The following MYO7B variants were observed in gnomAD, a reference collection of about 807,000 sequenced individuals.
The protein encoded by MYO7B is unconventional myosin-VIIb.
In MYO7B, 212 loss-of-function variants were observed where a neutral mutation model predicts 259.7. That is an observed-to-expected ratio of 0.82 (90% CI 0.73 to 0.91). MYO7B has a LOEUF of 0.91. Ranked by LOEUF, MYO7B falls within the 40% of genes least tolerant of loss-of-function variation. MYO7B has a pLI of 0.00. For missense variants in MYO7B, 2,732 were observed against 2,813.5 expected, an observed-to-expected ratio of 0.97 and a Z score of 0.66; for synonymous variants, 1,197 against 1,166.4, an observed-to-expected ratio of 1.03 and a Z score of -0.54.
intron 1 of MYO7B, among the ~76,000 whole-genome samples, chr2:127,550,142 C>T (rs2104817143): frequency 6.6e-6 from 1 of 152,140 alleles, no homozygotes; most frequent in East Asian, 1.9e-4. Context: ...GCTTGGGGTC[C>T]CAGGATTCAC....
At chr2:127,599,839 G>A (rs1020805200) in intron 19 of MYO7B, among the ~76,000 whole-genome samples, 3 of 152,150 alleles carry the variant, frequency 2.0e-5, no homozygotes, top group Admixed American at 2.0e-4. Flanking sequence ...TATTGAACCA[G>A]CTTTGCATCC....
In MYO7B at chr2:127,589,894, G is replaced by A. The variant is rs556955023; in HGVS notation, c.1855-198G>A. Among the ~76,000 whole-genome samples, 76 of 143,482 alleles carry A rather than the reference G, an allele frequency of 5.3e-4. 1 individual carries two copies. The highest frequency in any genetic ancestry group is 1.9e-3 in the African/African-American group (72 of 38,460). The allele number at this position is 143,482 out of a possible 152,430, so 94.1% of individuals were successfully genotyped here. ...TGGGTGGGTGGATGGATAGGTGTGT[G>A]AGTGGATGGGTGAAGGGGTGGGTGG... On this transcript the variant is annotated intron_variant, in intron 15 of 47. Transcript: ENST00000409816.
chr2:127,566,434 C>G (rs890554370), intron 4 of MYO7B, among the ~76,000 whole-genome samples: 37 of 152,258 alleles, frequency 2.4e-4, no homozygotes, highest in African/African-American at 8.7e-4. Context: ...GGGAGCTCAC[C>G]TTCCTGGTGG....
intron 21 of MYO7B, among the ~76,000 whole-genome samples, chr2:127,608,167 A>G (rs1019402255): frequency 5.3e-5 from 8 of 152,220 alleles, no homozygotes; most frequent in Non-Finnish European, 1.2e-4. Flanking sequence ...CTTCTGCTCC[A>G]TGGATGAAAA....
Position 127,565,264 on chromosome 2 carries a change from T to C in MYO7B, c.164T>C (p.Val55Ala). 1 of 1,613,918 alleles carries C rather than the reference T, an allele frequency of 6.2e-7. No homozygotes were observed. Among genetic ancestry groups the C allele is most frequent in the Non-Finnish European group, 8.5e-7 (1 of 1,179,836 alleles). ...TGGATCCGAGCAGAGGACTTTGGTGTCCTCAGTCCCATGCACCCCAACTCA... is the reference window on the plus strand; with the variant it reads ...TGGATCCGAGCAGAGGACTTTGGTGCCCTCAGTCCCATGCACCCCAACTCA... ...EHWIRAEDFG[V>A]LSPMHPNSVQ... Residue 55 changes from valine to alanine, a missense_variant, in exon 4 of 48, where the codon GTC (valine) becomes GCC (alanine). By Grantham distance (64) the Val-to-Ala change is moderately conservative. Transcript: ENST00000409816.
At chr2:127,623,180 A>C in intron 28 of MYO7B, 22 bp from the exon 29 acceptor site, 2 of 1,612,522 alleles carry the variant, frequency 1.2e-6, no homozygotes, top group Non-Finnish European at 1.7e-6. Context: ...AGGCCAGGGA[A>C]CTGAATCTCA....
intron 11 of MYO7B, 112 bp from the exon 12 acceptor site, chr2:127,582,192 A>G (rs555148640): frequency 2.8e-5 from 41 of 1,469,978 alleles, no homozygotes; most frequent in Non-Finnish European, 3.7e-5. Flanking sequence ...CCTTTGAAGG[A>G]GGGATAACAT....
At chr2:127,541,244 G>A (rs550766504) in intron 1 of MYO7B, among the ~76,000 whole-genome samples, 1 of 151,926 alleles carries the variant, frequency 6.6e-6, no homozygotes, top group Non-Finnish European at 1.5e-5. Flanking sequence ...CACAGTGATG[G>A]GGGCTTCTCC....
chr2:127,614,346 T>C lies in MYO7B; in HGVS notation c.3398+1743T>C, dbSNP rs145466637. Among the ~76,000 whole-genome samples, 243 of 152,174 alleles carry C rather than the reference T, an allele frequency of 1.6e-3. 3 individuals are homozygous for C. Among genetic ancestry groups the C allele is most frequent in the African/African-American group, 5.6e-3 (231 of 41,530 alleles). ...GGCTGCCTGCTTGTGTGGGATCCCA[T>C]CTAGATGCCTGAAGCTCAGCTCCTT... On this transcript the variant is annotated intron_variant, in intron 26 of 47. Coordinates refer to ENST00000409816, the MANE Select transcript of MYO7B (RefSeq NM_001393586.1). This position sits in a 1 kb window ranked among gnomAD's most constrained non-coding sequence, Gnocchi z 4.6.
intron 15 of MYO7B, 84 bp downstream of exon 15, chr2:127,588,639 T>C (rs963095112): frequency 4.5e-6 from 7 of 1,541,634 alleles, no homozygotes; most frequent in East Asian, 4.5e-5. Context: ...ACTGTTTTAC[T>C]CACCTCTGGG....
At position 127,577,161 on chromosome 2, in the gene MYO7B, A is replaced by G. The variant is rs1678903644; in HGVS notation, c.849+453A>G. ...CCTAGGACAGGGCGGCACCACAGCC[A>G]TCGCTCATTAGCTGAGGCTCCCTGG... On this transcript the variant is annotated intron_variant, in intron 8 of 47. Transcript: ENST00000409816. The surrounding 1 kb of genome is among the most constrained non-coding windows in gnomAD (Gnocchi z 5.2). 6.6e-6 allele frequency among the ~76,000 whole-genome samples: 1 copy of G among 152,174 alleles called. No homozygotes were observed.
chr2:127,583,578 C>T (rs899809771), intron 12 of MYO7B, among the ~76,000 whole-genome samples: 5 of 152,148 alleles, frequency 3.3e-5, no homozygotes, highest in East Asian at 1.9e-4. Context: ...AGAAACTCCT[C>T]GGTTTCTGAC....
In MYO7B at chr2:127,604,947, C is replaced by T. The variant is rs567381360; in HGVS notation, c.2340-897C>T. On this transcript the variant is annotated intron_variant, in intron 19 of 47. Transcript: ENST00000409816. ...TGAAATATTGCAAGAATTGCCAAAA[C>T]GTTATACAGACATGAAGTGACCACA... Among the ~76,000 whole-genome samples, 95 of 152,202 alleles carry T rather than the reference C, an allele frequency of 6.2e-4. No homozygotes were observed. In the South Asian group the frequency reaches 9.1e-3, roughly 15 times the overall value.
chr2:127,569,509 G>A (rs540538753), intron 5 of MYO7B, among the ~76,000 whole-genome samples: 3 of 152,302 alleles, frequency 2.0e-5, no homozygotes, highest in Admixed American at 6.5e-5. Context: ...TGTACGTCCT[G>A]GGCACTGTGG....
At chr2:127,619,453 C>G (rs1680740315) in intron 26 of MYO7B, among the ~76,000 whole-genome samples, 2 of 151,964 alleles carry the variant, frequency 1.3e-5, no homozygotes, top group Admixed American at 6.6e-5. Context: ...TGGGAGGGCT[C>G]CAGGATGACC....
In MYO7B at chr2:127,585,702, T is replaced by G. The variant is rs1030373149; in HGVS notation, c.1690+789T>G. On this transcript the variant is annotated intron_variant, in intron 14 of 47. Transcript: ENST00000409816. The surrounding 1 kb of genome is among the most constrained non-coding windows in gnomAD (Gnocchi z 4.3). ...TGATTTTACATTCCCACTAGCAATG[T>G]ATGAGGACTCCAGTTCCTCCACATC... Among the ~76,000 whole-genome samples, 1 of 152,238 alleles carries G rather than the reference T, an allele frequency of 6.6e-6. No homozygotes were observed. The highest frequency in any genetic ancestry group is 1.9e-4 in the East Asian group (1 of 5,204).
chr2:127,629,848 C>A, intron 35 of MYO7B, 22 bp downstream of exon 35: 1 of 1,531,750 alleles, frequency 6.5e-7, no homozygotes. Flanking sequence ...GCTCCCCTGT[C>A]CTCAGCCTGG....
Position 127,592,885 on chromosome 2 carries a change from A to G in MYO7B, c.2084A>G (p.Tyr695Cys), listed in dbSNP as rs763506517. ...CGCAAGTCGGGCTTCCCCATCCGCT[A>G]CACGTTCGAGGAGTTCTCGCAGAGG... ...HIRKSGFPIR[Y>C]TFEEFSQRFG... The change falls in exon 17 of 48, where the codon TAC becomes TGC. Residue 695 changes from tyrosine (Y) to cysteine (C), a missense_variant. Around this residue, in one of 3 missense-constraint regions of MYO7B, gnomAD observed 1,906 missense variants for 2,026.4 expected, o/e 0.94. Coordinates refer to ENST00000409816, the MANE Select transcript of MYO7B (RefSeq NM_001393586.1). 9.5e-5 allele frequency: 153 copies of G among 1,609,458 alleles called. 1 individual carries two copies. The highest frequency in any genetic ancestry group is 1.0e-4 in the Non-Finnish European group (119 of 1,178,470).
chr2:127,589,976 G>T, intron 15 of MYO7B, 116 bp from the exon 16 acceptor site: 1 of 1,183,006 alleles, frequency 8.5e-7, no homozygotes, highest in Non-Finnish European at 1.2e-6. Context: ...TCTTGAATAG[G>T]TAGATGCACC....
Sources: allele counts gnomAD v4.1 joint callset (sites outside exome capture counted in the v4.1 genomes callset), GRCh38; gene constraint gnomAD v4.1.1; regional missense constraint gnomAD v4.1.1; non-coding constraint Gnocchi (gnomAD v3.1); transcripts MANE v1.5; gene names NCBI Gene and HGNC (gene_info 2026-07-23, HGNC 2026-07-21).